The following LRCH1 variants were observed in gnomAD, a reference collection of about 807,000 sequenced individuals.
The protein encoded by LRCH1 is leucine-rich repeat and calponin homology domain-containing protein 1.
A neutral mutation model predicts 94.9 loss-of-function variants in LRCH1; 23 were observed. The ratio of observed to expected loss-of-function variants is 0.24; its 90% CI spans 0.17 to 0.34. The LOEUF (loss-of-function observed/expected upper bound fraction) is 0.34. Ranked by LOEUF, LRCH1 falls within the 10% of genes least tolerant of loss-of-function variation. The pLI is 1.00. For synonymous variants in LRCH1, 364 were observed against 354.9 expected, an observed-to-expected ratio of 1.03 and a Z score of -0.29; for missense variants, 790 against 945.9, an observed-to-expected ratio of 0.84 and a Z score of 2.16.
At chr13:46,747,386 T>C (rs1873951351), downstream of LRCH1, among the ~76,000 whole-genome samples, 1 of 152,192 alleles carries the variant, frequency 6.6e-6, no homozygotes, top group Non-Finnish European at 1.5e-5. Flanking sequence ...GCCCTTCAGC[T>C]TAGAACCCTG....
chr13:46,619,132 C>CA (rs2050850387), intron 1 of LRCH1, among the ~76,000 whole-genome samples: 1 of 114,924 alleles, frequency 8.7e-6, no homozygotes, highest in African/African-American at 3.4e-5. Flanking sequence ...GTTTTTGAGA[C>CA]AGAGTCTTGC....
At chr13:46,728,043 A>G (rs375256411) in intron 17 of LRCH1, among the ~76,000 whole-genome samples, 3 of 151,814 alleles carry the variant, frequency 2.0e-5, no homozygotes, top group Non-Finnish European at 2.9e-5. Context: ...CAGTCCCCCA[A>G]GTAGCTGGGA....
intron 4 of LRCH1, among the ~76,000 whole-genome samples, chr13:46,685,645 A>G (rs1421738397): frequency 6.6e-6 from 1 of 152,174 alleles, no homozygotes; most frequent in Non-Finnish European, 1.5e-5. Flanking sequence ...AACAATAGAT[A>G]TTGTAAATGT....
intron 18 of LRCH1, among the ~76,000 whole-genome samples, chr13:46,732,605 T>A (rs112924146): frequency 1.3e-5 from 2 of 152,286 alleles, no homozygotes; most frequent in East Asian, 3.9e-4. Flanking sequence ...CCTAAGGACA[T>A]CTTTGGAGTT....
In LRCH1 at chr13:46,660,807, C is replaced by A. The variant is rs189785086; in HGVS notation, c.453-8223C>A. ...TTGTGTCTCAAATATGTTCTTTATC[C>A]CTTTGACTCAGTTGAGCACTAGCCC... On this transcript the variant is annotated intron_variant, in intron 2 of 19. Coordinates refer to ENST00000389797, the MANE Select transcript of LRCH1 (RefSeq NM_001164211.2). Among the ~76,000 whole-genome samples, 404 of 152,218 alleles carry A rather than the reference C, an allele frequency of 2.7e-3. 1 individual carries two copies. The highest frequency in any genetic ancestry group is 0.019 in the South Asian group (92 of 4,816).
chr13:46,612,026 C>T (rs922884289), intron 1 of LRCH1, among the ~76,000 whole-genome samples: 9 of 152,148 alleles, frequency 5.9e-5, no homozygotes, highest in Non-Finnish European at 1.0e-4. Context: ...CAAATCTTGC[C>T]CTTAAGGGGA....
chr13:46,749,435 A>G (rs1305529013), downstream of LRCH1, among the ~76,000 whole-genome samples: 3 of 152,210 alleles, frequency 2.0e-5, no homozygotes, highest in Non-Finnish European at 4.4e-5. Context: ...AATGGTGACT[A>G]TAGTTCATCA....
chr13:46,560,731 A>C (rs1277870605), intron 1 of LRCH1, among the ~76,000 whole-genome samples: 2 of 152,224 alleles, frequency 1.3e-5, no homozygotes, highest in Non-Finnish European at 1.5e-5. Context: ...AAAGAAAAAA[A>C]GAAAAGAAAG....
chr13:46,733,955 TG>T lies in LRCH1; in HGVS notation c.2044del (p.Glu682LysfsTer10). 5 of 1,605,296 alleles carry T rather than the reference TG, an allele frequency of 3.1e-6. No homozygotes were observed. The highest frequency in any genetic ancestry group is 4.3e-6 in the Non-Finnish European group (5 of 1,175,518). On this transcript the variant is annotated frameshift_variant, in exon 19 of 20. Transcript: ENST00000389797. LOFTEE classifies it high-confidence loss of function. Reference protein sequence around the residue: ...KLSMAKCRRNVENFLEACRKL... With the variant: ...KLSMAKCRRNXENFLEACRKL... Reference sequence around the variant, plus strand: ...AGCATGGCCAAATGCAGAAGAAATGTGGAAAACTTTTTGGAAGCATGCCGAA... The same window carrying T: ...AGCATGGCCAAATGCAGAAGAAATGTGAAAACTTTTTGGAAGCATGCCGAA...
chr13:46,676,258 G>A (rs1452591747), intron 3 of LRCH1, among the ~76,000 whole-genome samples: 1 of 152,094 alleles, frequency 6.6e-6, no homozygotes, highest in Non-Finnish European at 1.5e-5. Flanking sequence ...CTCCGTCTCG[G>A]TGGGGTGGGG....
chr13:46,642,089 GC>G (rs2051164753), intron 1 of LRCH1, among the ~76,000 whole-genome samples: 5 of 152,338 alleles, frequency 3.3e-5, no homozygotes, highest in Admixed American at 1.3e-4. Flanking sequence ...AAAGGACAAT[GC>G]CCATTGTGGG....
chr13:46,560,140 C>CAGATATATATATATATATATATATATAT (rs2050113831), intron 1 of LRCH1, among the ~76,000 whole-genome samples: 1 of 133,890 alleles, frequency 7.5e-6, no homozygotes, highest in Non-Finnish European at 1.6e-5. Flanking sequence ...TCTGTTCCCC[C>CAGATATATATATATATATATATATATAT]ATATATATAG....
chr13:46,648,331 G>A (rs1452284634), intron 1 of LRCH1, among the ~76,000 whole-genome samples: 3 of 152,190 alleles, frequency 2.0e-5, no homozygotes, highest in African/African-American at 7.2e-5. Flanking sequence ...AGTTTCACTT[G>A]CCAGCCTGAC....
chr13:46,630,937 G>A (rs886971531), intron 1 of LRCH1, among the ~76,000 whole-genome samples: 8 of 152,148 alleles, frequency 5.3e-5, no homozygotes, highest in Non-Finnish European at 2.9e-5. Flanking sequence ...CTTGCTTCTG[G>A]TTCTGCCTTC....
chr13:46,726,727 C>G (rs946590591), intron 17 of LRCH1, among the ~76,000 whole-genome samples: 3 of 151,998 alleles, frequency 2.0e-5, no homozygotes, highest in Admixed American at 1.3e-4. Context: ...GATTCTCACC[C>G]CCACTCAGCA....
intron 1 of LRCH1, among the ~76,000 whole-genome samples, chr13:46,643,431 T>A (rs1411689233): frequency 6.6e-6 from 1 of 152,212 alleles, no homozygotes; most frequent in Admixed American, 6.5e-5. Flanking sequence ...CCTTCCTTTC[T>A]CTCTTTTTCT....
intron 3 of LRCH1, among the ~76,000 whole-genome samples, chr13:46,678,535 T>G (rs945682052): frequency 2.6e-5 from 4 of 152,206 alleles, no homozygotes; most frequent in African/African-American, 9.6e-5. Context: ...TTAAAATAAT[T>G]TGACCTTCAC....
intron 1 of LRCH1, among the ~76,000 whole-genome samples, chr13:46,649,583 A>G (rs925647436): frequency 1.3e-5 from 2 of 152,174 alleles, no homozygotes; most frequent in Admixed American, 1.3e-4. Flanking sequence ...AGTCTTATAT[A>G]TTATAGGCTC....
At chr13:46,747,569 A>G (rs1478984656), downstream of LRCH1, among the ~76,000 whole-genome samples, 3 of 152,172 alleles carry the variant, frequency 2.0e-5, no homozygotes, top group East Asian at 5.8e-4. Flanking sequence ...CACATTCTAG[A>G]CTACACATAA....
Sources: gnomAD v4.1 joint callset for allele counts (sites outside exome capture counted in the v4.1 genomes callset) on GRCh38, gnomAD v4.1.1 for gene constraint, MANE v1.5 for transcripts, NCBI Gene and HGNC (gene_info 2026-07-23, HGNC 2026-07-21) for gene names.